GRID1: variants seen among roughly 807,000 people sequenced by gnomAD.
GRID1 encodes the protein glutamate ionotropic receptor delta type subunit 1, also known as glutamate receptor ionotropic, delta-1.
GRID1 carries 28 observed loss-of-function variants against 98.0 expected under a neutral mutation model. The ratio of observed to expected loss-of-function variants is 0.29; its 90% CI spans 0.21 to 0.39. The LOEUF is 0.39. Among genes scored for constraint, GRID1 ranks in the 10% least tolerant of loss-of-function variants. GRID1 has a pLI of 1.00. For synonymous variants in GRID1, 553 were observed against 538.5 expected (o/e 1.03, Z -0.37); for missense variants, 1,111 against 1,340.5 (o/e 0.83, Z 2.67).
At chr10:86,217,598 C>A (rs545383546) in intron 2 of GRID1, among the ~76,000 whole-genome samples, 1 of 152,092 alleles carries the variant, frequency 6.6e-6, no homozygotes, top group Non-Finnish European at 1.5e-5. Context: ...CATGGCCTGG[C>A]CCTAGGAAAG....
At chr10:86,135,353 C>T (rs1362864355) in intron 4 of GRID1, among the ~76,000 whole-genome samples, 1 of 152,222 alleles carries the variant, frequency 6.6e-6, no homozygotes, top group East Asian at 1.9e-4. Context: ...CAAGGCAGAA[C>T]AGGCCCCCCT....
At chr10:86,315,734 T>A (rs1234073366) in intron 2 of GRID1, among the ~76,000 whole-genome samples, 7 of 151,724 alleles carry the variant, frequency 4.6e-5, no homozygotes, top group Admixed American at 4.6e-4. Context: ...TACATCTGCC[T>A]CCAACCATCC....
intron 3 of GRID1, among the ~76,000 whole-genome samples, chr10:86,204,939 G>T (rs1022400403): frequency 6.6e-6 from 1 of 151,752 alleles, no homozygotes; most frequent in Non-Finnish European, 1.5e-5. Flanking sequence ...CAGGCAGCTC[G>T]GGGCTGTTAC....
At chr10:85,909,374 G>T (rs992250821) in intron 5 of GRID1, among the ~76,000 whole-genome samples, 1 of 152,094 alleles carries the variant, frequency 6.6e-6, no homozygotes, top group South Asian at 2.1e-4. Flanking sequence ...CTACCATAGG[G>T]GTTGGCAATT....
chr10:85,876,356 C>G (rs1313689879), intron 5 of GRID1, among the ~76,000 whole-genome samples: 1 of 152,090 alleles, frequency 6.6e-6, no homozygotes, highest in Non-Finnish European at 1.5e-5. Flanking sequence ...ATTCCAAGCT[C>G]TGCCTCTGTG....
At chr10:85,882,273 A>G (rs1270981190) in intron 5 of GRID1, among the ~76,000 whole-genome samples, 1 of 152,116 alleles carries the variant, frequency 6.6e-6, no homozygotes, top group African/African-American at 2.4e-5. Context: ...CCATTACTGG[A>G]TATATACCCA....
At chr10:86,269,705 A>C (rs1847157149) in intron 2 of GRID1, among the ~76,000 whole-genome samples, 1 of 152,082 alleles carries the variant, frequency 6.6e-6, no homozygotes, top group Non-Finnish European at 1.5e-5. Flanking sequence ...CTCAATTCCC[A>C]AGCTGGACTT....
At chr10:85,853,854 T>G (rs562429525) in intron 8 of GRID1, among the ~76,000 whole-genome samples, 16 of 152,106 alleles carry the variant, frequency 1.1e-4, no homozygotes. Context: ...CTCTCCACTA[T>G]CCACAGTCCT....
At chr10:86,364,552 C>CT (rs2132125467) in intron 1 of GRID1, among the ~76,000 whole-genome samples, 1 of 92,228 alleles carries the variant, frequency 1.1e-5, no homozygotes, top group East Asian at 4.6e-4. Context: ...AATGATGGGT[C>CT]CTTCTCCATG....
chr10:85,819,971 A>G (rs1038383298), intron 8 of GRID1, among the ~76,000 whole-genome samples: 4 of 29,272 alleles, frequency 1.4e-4, no homozygotes. Flanking sequence ...AAGAGAGAGG[A>G]AGGAAGGAAG....
chr10:85,711,393 TA>T (rs1382871005), intron 12 of GRID1, among the ~76,000 whole-genome samples: 1 of 151,952 alleles, frequency 6.6e-6, no homozygotes, highest in Non-Finnish European at 1.5e-5. Flanking sequence ...ACAATTGCCA[TA>T]TAATGCTATT....
At chr10:85,790,545 G>A (rs1414754801) in intron 8 of GRID1, among the ~76,000 whole-genome samples, 1 of 152,204 alleles carries the variant, frequency 6.6e-6, no homozygotes, top group Non-Finnish European at 1.5e-5. Context: ...AGGGAGTGGG[G>A]GGAAGGGTGT....
intron 4 of GRID1, among the ~76,000 whole-genome samples, chr10:86,023,314 T>C (rs1443108102): frequency 6.6e-6 from 1 of 152,156 alleles, no homozygotes; most frequent in East Asian, 1.9e-4. Flanking sequence ...CAGCAACCAA[T>C]ATGGCCTGCG....
chr10:86,230,778 T>C (rs1363832488), intron 2 of GRID1, among the ~76,000 whole-genome samples: 2 of 152,204 alleles, frequency 1.3e-5, no homozygotes, highest in Admixed American at 6.5e-5. Flanking sequence ...CTCTCCTCTG[T>C]GTTGCCAGAG....
chr10:86,137,733 A>G (rs900798804), intron 4 of GRID1, among the ~76,000 whole-genome samples: 4 of 152,208 alleles, frequency 2.6e-5, no homozygotes, highest in African/African-American at 9.7e-5. Flanking sequence ...AGCCTGGCGG[A>G]CCACCGGCGT....
chr10:85,607,012 T>C (rs904450172), intron 15 of GRID1: 3 of 152,164 alleles, frequency 2.0e-5, no homozygotes, highest in Non-Finnish European at 4.4e-5. Context: ...CTGAATATGA[T>C]ATAAAATTCA....
chr10:86,302,529 G>C (rs1479922303), intron 2 of GRID1, among the ~76,000 whole-genome samples: 2 of 152,158 alleles, frequency 1.3e-5, no homozygotes, highest in Non-Finnish European at 2.9e-5. Context: ...TGAAAGGTTT[G>C]TGGATGTGCT....
chr10:85,989,333 A>T (rs990908440), intron 4 of GRID1, among the ~76,000 whole-genome samples: 1 of 152,202 alleles, frequency 6.6e-6, no homozygotes, highest in Non-Finnish European at 1.5e-5. Context: ...GCATCCTAAA[A>T]TCTGGGGAAT....
intron 5 of GRID1, among the ~76,000 whole-genome samples, chr10:85,899,977 C>T (rs1400252136): frequency 6.6e-6 from 1 of 152,222 alleles, no homozygotes; most frequent in Non-Finnish European, 1.5e-5. Context: ...CTCCAGCCAC[C>T]TCTAAGAGAC....
Sources: gnomAD v4.1 joint callset for allele counts (sites outside exome capture counted in the v4.1 genomes callset) on GRCh38, gnomAD v4.1.1 for gene constraint, MANE v1.5 for transcripts, NCBI Gene and HGNC (gene_info 2026-07-23, HGNC 2026-07-21) for gene names.